The following BNC2 variants were observed in gnomAD, a reference collection of about 807,000 sequenced individuals.
BNC2 encodes the protein basonuclin zinc finger protein 2.
A neutral mutation model predicts 76.3 loss-of-function variants in BNC2; 20 were observed. That is an observed-to-expected ratio of 0.26 (90% confidence interval 0.18 to 0.38). The LOEUF (loss-of-function observed/expected upper bound fraction) is 0.38. BNC2 is among the 10% of genes least tolerant of loss of function. BNC2 has a pLI of 1.00. For missense variants in BNC2, 1,382 were observed against 1,399.8 expected (o/e 0.99, Z 0.20); for synonymous variants, 582 against 514.8 (o/e 1.13, Z -1.77).
intron 2 of BNC2, 79 bp downstream of exon 2, chr9:16,738,281 G>A: frequency 6.8e-7 from 1 of 1,466,326 alleles, no homozygotes; most frequent in East Asian, 2.3e-5. Context: ...GAAGAGGTGA[G>A]AGATATATCT....
At chr9:16,782,797 T>C (rs544844806) in intron 1 of BNC2, among the ~76,000 whole-genome samples, 19 of 152,338 alleles carry the variant, frequency 1.2e-4, no homozygotes, top group Middle Eastern at 6.8e-3. Flanking sequence ...CTACCTTTTG[T>C]TCACTACTAT....
chr9:16,779,417 A>C (rs560823983), intron 1 of BNC2, among the ~76,000 whole-genome samples: 1 of 152,108 alleles, frequency 6.6e-6, no homozygotes, highest in South Asian at 2.1e-4. Context: ...TTGATGTGCT[A>C]TTATCTTAAA....
At chr9:16,536,092 A>C (rs947126487) in intron 5 of BNC2, among the ~76,000 whole-genome samples, 3 of 152,142 alleles carry the variant, frequency 2.0e-5, no homozygotes, top group African/African-American at 7.2e-5. Flanking sequence ...TGTGAAAAAT[A>C]ATAAAATGCT....
intron 5 of BNC2, among the ~76,000 whole-genome samples, chr9:16,483,184 T>C (rs1041654693): frequency 7.9e-5 from 12 of 152,340 alleles, no homozygotes; most frequent in Middle Eastern, 3.4e-3. Context: ...TATACCATAA[T>C]GTAACTTGAT....
At chr9:16,610,348 A>G (rs1820509387) in intron 3 of BNC2, among the ~76,000 whole-genome samples, 1 of 152,230 alleles carries the variant, frequency 6.6e-6, no homozygotes, top group South Asian at 2.1e-4. Flanking sequence ...AAAACTTGAA[A>G]GGAACGGCCA....
In BNC2 at chr9:16,727,870, G is replaced by T; in HGVS notation, c.257C>A (p.Thr86Asn). 1 of 1,614,202 alleles carries T rather than the reference G, an allele frequency of 6.2e-7. No individual in the cohort carries two copies. The highest frequency in any genetic ancestry group is 1.7e-4 in the Middle Eastern group (1 of 6,060). ...DNSMQFGTRT[T>N]TAEPGFMGTW... ...CCCCATGAACCCTGGTTCAGCCGTAGTCGTTCTGGTTCCGAACTGCATGGA... is the reference window on the plus strand; with the variant it reads ...CCCCATGAACCCTGGTTCAGCCGTATTCGTTCTGGTTCCGAACTGCATGGA... The change falls in exon 3 of 7, where the codon ACT becomes AAT. Residue 86 changes from threonine to asparagine, a missense_variant. Coordinates refer to ENST00000380672, the MANE Select transcript of BNC2 (RefSeq NM_017637.6).
chr9:16,505,585 G>GA (rs1483248992), intron 5 of BNC2, among the ~76,000 whole-genome samples: 4 of 152,090 alleles, frequency 2.6e-5, no homozygotes, highest in African/African-American at 9.7e-5. Flanking sequence ...AAAGAGAGAA[G>GA]ATTTTAAGCT....
At chr9:16,529,995 G>A (rs933893438) in intron 5 of BNC2, among the ~76,000 whole-genome samples, 25 of 152,018 alleles carry the variant, frequency 1.6e-4, no homozygotes, top group Admixed American at 4.6e-4. Flanking sequence ...TTACAGGTAC[G>A]GACCACCATG....
chr9:16,502,243 A>G (rs1822534572), intron 5 of BNC2, among the ~76,000 whole-genome samples: 1 of 152,136 alleles, frequency 6.6e-6, no homozygotes, highest in Admixed American at 6.5e-5. Context: ...ACACATCTGT[A>G]GTGCTAGCTA....
At chr9:16,619,919 G>A (rs190785028) in intron 3 of BNC2, among the ~76,000 whole-genome samples, 2 of 152,240 alleles carry the variant, frequency 1.3e-5, no homozygotes, top group Admixed American at 6.5e-5. Context: ...CCCAACGGTA[G>A]AATCAACATT....
chr9:16,709,533 G>A (rs1823773375), intron 3 of BNC2, among the ~76,000 whole-genome samples: 1 of 152,156 alleles, frequency 6.6e-6, no homozygotes, highest in Non-Finnish European at 1.5e-5. Flanking sequence ...AGACATGGAG[G>A]AGAGATGTTA....
chr9:16,703,334 A>C (rs1369581827), intron 3 of BNC2, among the ~76,000 whole-genome samples: 2 of 152,152 alleles, frequency 1.3e-5, no homozygotes, highest in Non-Finnish European at 2.9e-5. Context: ...TTGGCTGTTA[A>C]GTAAAAGAAA....
intron 3 of BNC2, among the ~76,000 whole-genome samples, chr9:16,589,147 T>TTAACCTTCACC (rs1819851326): frequency 6.6e-6 from 1 of 152,154 alleles, no homozygotes; most frequent in South Asian, 2.1e-4. Flanking sequence ...CATGGGTTCA[T>TTAACCTTCACC]TAACCTTCAC....
intron 1 of BNC2, among the ~76,000 whole-genome samples, chr9:16,817,936 C>T (rs1818223231): frequency 6.6e-6 from 1 of 152,104 alleles, no homozygotes; most frequent in Admixed American, 6.6e-5. Context: ...TCATCTCATT[C>T]ATTTGATGCA....
chr9:16,479,733 G>C (rs1461155961), intron 5 of BNC2, among the ~76,000 whole-genome samples: 1 of 152,120 alleles, frequency 6.6e-6, no homozygotes, highest in Non-Finnish European at 1.5e-5. Flanking sequence ...AAGTGCTTAA[G>C]TTAGGCTAAT....
intron 3 of BNC2, among the ~76,000 whole-genome samples, chr9:16,710,018 A>G (rs937710714): frequency 6.6e-6 from 1 of 152,200 alleles, no homozygotes; most frequent in Non-Finnish European, 1.5e-5. Flanking sequence ...TACATGTACA[A>G]CTGCAACAGA....
chr9:16,758,605 G>A (rs890206952), intron 1 of BNC2, among the ~76,000 whole-genome samples: 1 of 151,974 alleles, frequency 6.6e-6, no homozygotes, highest in South Asian at 2.1e-4. Flanking sequence ...CTGAGATTAC[G>A]GGCATGAGCC....
chr9:16,469,084 C>G (rs28718681), intron 5 of BNC2, among the ~76,000 whole-genome samples: 1 of 152,172 alleles, frequency 6.6e-6, no homozygotes. Flanking sequence ...CCTGTGTGTG[C>G]TTTTTATATT....
chr9:16,845,460 A>T (rs139634486), intron 1 of BNC2, among the ~76,000 whole-genome samples: 9 of 151,244 alleles, frequency 6.0e-5, no homozygotes, highest in Non-Finnish European at 1.0e-4. Context: ...GGTGGCTCAC[A>T]CCTGTAATCC....
Sources: allele counts gnomAD v4.1 joint callset (sites outside exome capture counted in the v4.1 genomes callset), GRCh38; gene constraint gnomAD v4.1.1; transcripts MANE v1.5; gene names NCBI Gene and HGNC (gene_info 2026-07-23, HGNC 2026-07-21).